Variants in CISTR observed in about 807,000 individuals in gnomAD.
CISTR encodes the protein chondrogenesis-associated transcript, also known as chondrogenic regulator lncRNA.
At chr12:53,752,453 C>CAAGCCCAG (rs1937865365) in intron 1 of CISTR, among the ~76,000 whole-genome samples, 1 of 152,210 alleles carries the variant, frequency 6.6e-6, no homozygotes, top group South Asian at 2.1e-4. Flanking sequence ...CCCTGGGCCT[C>CAAGCCCAG]ACCATGTGAG....
chr12:53,750,420 G>A (rs1937834003), exon 2 of CISTR: 1 of 152,556 alleles, frequency 6.6e-6, no homozygotes, highest in South Asian at 2.1e-4. Flanking sequence ...AGCATGAAGG[G>A]GAATGGAAGG....
chr12:53,755,513 T>G (rs977037553), intron 1 of CISTR, among the ~76,000 whole-genome samples: 1 of 152,212 alleles, frequency 6.6e-6, no homozygotes, highest in African/African-American at 2.4e-5. Context: ...GCTCAATGTC[T>G]TTTGTAAAAG....
intron 2 of CISTR, among the ~76,000 whole-genome samples, chr12:53,748,767 C>T (rs553423497): frequency 1.3e-5 from 2 of 152,272 alleles, no homozygotes; most frequent in Admixed American, 1.3e-4. Context: ...CAGAATGTAT[C>T]AGTAGACTGA....
chr12:53,749,481 A>T (rs1937821700), intron 2 of CISTR, among the ~76,000 whole-genome samples: 1 of 152,078 alleles, frequency 6.6e-6, no homozygotes, highest in Non-Finnish European at 1.5e-5. Context: ...TCAACCCAGC[A>T]TCATGTTTAC....
chr12:53,752,217 G>T (rs1265311096), intron 1 of CISTR, among the ~76,000 whole-genome samples: 4 of 152,138 alleles, frequency 2.6e-5, no homozygotes, highest in Admixed American at 6.5e-5. Context: ...TTCTGCCTGG[G>T]TTCTTCCTTT....
exon 2 of CISTR, chr12:53,750,729 G>T (rs1292673826): frequency 6.5e-6 from 1 of 153,206 alleles, no homozygotes; most frequent in Non-Finnish European, 1.5e-5. Flanking sequence ...TTTCCATGTG[G>T]TCATGTGCGA....
intron 2 of CISTR, among the ~76,000 whole-genome samples, chr12:53,747,954 C>T (rs1216616833): frequency 2.6e-5 from 4 of 152,144 alleles, no homozygotes; most frequent in South Asian, 4.1e-4. Context: ...CTCCTCCAGT[C>T]GGCTTCCCAC....
chr12:53,755,824 C>G (rs949811472), intron 1 of CISTR: 3 of 152,500 alleles, frequency 2.0e-5, no homozygotes, highest in African/African-American at 7.2e-5. Flanking sequence ...ACCTACCTAT[C>G]CAGTCCATGT....
intron 2 of CISTR, among the ~76,000 whole-genome samples, chr12:53,747,723 G>C (rs1330799584): frequency 2.6e-5 from 4 of 152,060 alleles, no homozygotes; most frequent in Non-Finnish European, 4.4e-5. Context: ...CATTTTACTG[G>C]GGACTTACTA....
chr12:53,748,714 C>CCCAGGG (rs1345239526), intron 2 of CISTR, among the ~76,000 whole-genome samples: 1 of 152,126 alleles, frequency 6.6e-6, no homozygotes, highest in African/African-American at 2.4e-5. Context: ...GGCACACTGA[C>CCCAGGG]CCAGGGCCAG....
At chr12:53,746,535 A>G (rs906096234) in exon 3 of CISTR, among the ~76,000 whole-genome samples, 1 of 152,178 alleles carries the variant, frequency 6.6e-6, no homozygotes, top group Non-Finnish European at 1.5e-5. Flanking sequence ...CTTCTGTGCC[A>G]GCAGCCCCAG....
exon 3 of CISTR, among the ~76,000 whole-genome samples, chr12:53,746,384 C>T (rs939633349): frequency 1.3e-5 from 2 of 152,110 alleles, no homozygotes; most frequent in African/African-American, 4.8e-5. Flanking sequence ...CTGCAGCTGA[C>T]ACAATGGGAA....
At chr12:53,749,306 G>GTATA (rs1478356439) in intron 2 of CISTR, among the ~76,000 whole-genome samples, 1 of 151,324 alleles carries the variant, frequency 6.6e-6, no homozygotes, top group Admixed American at 6.6e-5. Context: ...GTGTGTGTGT[G>GTATA]TGTATATATA....
chr12:53,748,392 G>A (rs148938168), intron 2 of CISTR, among the ~76,000 whole-genome samples: 66 of 152,274 alleles, frequency 4.3e-4, no homozygotes, highest in African/African-American at 1.5e-3. Flanking sequence ...GAAAGACCCA[G>A]TAAATTGAAG....
intron 2 of CISTR, among the ~76,000 whole-genome samples, chr12:53,748,536 G>T (rs926394297): frequency 6.6e-6 from 1 of 152,146 alleles, no homozygotes; most frequent in African/African-American, 2.4e-5. Flanking sequence ...CCTAGAGACA[G>T]GACAGAGCCA....
At chr12:53,749,541 C>T (rs1231464664) in intron 2 of CISTR, among the ~76,000 whole-genome samples, 7 of 97,618 alleles carry the variant, frequency 7.2e-5, no homozygotes, top group Non-Finnish European at 1.3e-4. Flanking sequence ...ATGAGTTTTT[C>T]TTTCTTTCTT....
At chr12:53,752,159 TGCCGCCGCC>T (rs1233643954) in intron 1 of CISTR, among the ~76,000 whole-genome samples, 1 of 152,034 alleles carries the variant, frequency 6.6e-6, no homozygotes, top group Non-Finnish European at 1.5e-5. Flanking sequence ...CTCTGCCCGC[TGCCGCCGCC>T]GCCGCCGCCT....
chr12:53,757,033 G>GC (rs1937922693), exon 1 of CISTR: 1 of 102,148 alleles, frequency 9.8e-6, no homozygotes, highest in Non-Finnish European at 1.8e-5. Flanking sequence ...TGAGGTGGGG[G>GC]AGGGGCATGG....
intron 2 of CISTR, among the ~76,000 whole-genome samples, chr12:53,747,466 G>C (rs576542410): frequency 2.8e-4 from 42 of 152,260 alleles, no homozygotes; most frequent in African/African-American, 1.0e-3. Context: ...GCAAGGGAGG[G>C]AGAGGAAGAG....
Sources: gnomAD v4.1 joint callset for allele counts (sites outside exome capture counted in the v4.1 genomes callset) on GRCh38, gnomAD v4.1.1 for gene constraint, MANE v1.5 for transcripts, NCBI Gene and HGNC (gene_info 2026-07-23, HGNC 2026-07-21) for gene names.